The following KCNIP4 variants were observed in gnomAD, a reference collection of about 807,000 sequenced individuals.
KCNIP4 encodes the protein Kv channel-interacting protein 4.
A neutral mutation model predicts 34.0 loss-of-function variants in KCNIP4; 12 were observed. That is an observed-to-expected ratio of 0.35 (90% CI 0.23 to 0.57). The LOEUF is 0.57. KCNIP4 is among the 20% of genes least tolerant of loss of function. KCNIP4 has a pLI of 0.83. For synonymous variants in KCNIP4, 124 were observed against 102.2 expected, an observed-to-expected ratio of 1.21 and a Z score of -1.29; for missense variants, 238 against 311.7, an observed-to-expected ratio of 0.76 and a Z score of 1.78.
chr4:20,904,329 G>A lies in KCNIP4; in HGVS notation c.62-21620C>T, dbSNP rs952704008. On this transcript the variant is annotated intron_variant, in intron 1 of 8. Transcript: ENST00000382152. ...AAACTATATATATGTATGTGTGTGTGTGTATATATATATATATATACAGAT... is the reference window on the plus strand; with the variant it reads ...AAACTATATATATGTATGTGTGTGTATGTATATATATATATATATACAGAT... 1.2e-4 allele frequency among the ~76,000 whole-genome samples: 18 copies of A among 144,940 alleles called. No homozygotes were observed. The East Asian group carries it at 2.6e-3, about 21-fold the overall frequency.
intron 2 of KCNIP4, among the ~76,000 whole-genome samples, chr4:20,879,922 T>C (rs920079813): frequency 6.6e-6 from 1 of 152,174 alleles, no homozygotes. Flanking sequence ...CCATTTATCA[T>C]GGTGCTATTT....
intron 1 of KCNIP4, among the ~76,000 whole-genome samples, chr4:21,414,029 G>A (rs1408268508): frequency 6.6e-6 from 1 of 152,078 alleles, no homozygotes; most frequent in South Asian, 2.1e-4. Context: ...AGTCAGTAGT[G>A]TAAACACACA....
intron 5 of KCNIP4, among the ~76,000 whole-genome samples, chr4:20,735,937 A>T (rs1749526583): frequency 6.6e-6 from 1 of 152,188 alleles, no homozygotes; most frequent in African/African-American, 2.4e-5. Context: ...GAAATCCAAA[A>T]GTCTTCTGGG....
chr4:21,818,522 G>A (rs1251004964), intron 1 of KCNIP4, among the ~76,000 whole-genome samples: 3 of 152,246 alleles, frequency 2.0e-5, no homozygotes, highest in East Asian at 1.9e-4. Context: ...GTGGTGTATG[G>A]ATTTTAAACA....
At chr4:21,153,940 A>G (rs1361282961) in intron 1 of KCNIP4, among the ~76,000 whole-genome samples, 1 of 152,080 alleles carries the variant, frequency 6.6e-6, no homozygotes, top group Non-Finnish European at 1.5e-5. Context: ...CCGTAACTCA[A>G]GGATTTACAC....
chr4:20,766,137 G>A (rs1000474458), intron 3 of KCNIP4, among the ~76,000 whole-genome samples: 3 of 152,170 alleles, frequency 2.0e-5, no homozygotes, highest in South Asian at 2.1e-4. Flanking sequence ...GGATTATCTC[G>A]TGGGAATAGA....
At chr4:20,732,657 C>T (rs758812301) in intron 7 of KCNIP4, 24 bp downstream of exon 7, 2 of 1,501,180 alleles carry the variant, frequency 1.3e-6, no homozygotes, top group Non-Finnish European at 1.9e-6. Context: ...TTCATGCCCT[C>T]TTGACTTCTG....
chr4:21,235,815 T>C (rs780749222), intron 1 of KCNIP4, among the ~76,000 whole-genome samples: 2 of 152,150 alleles, frequency 1.3e-5, no homozygotes, highest in Non-Finnish European at 2.9e-5. Flanking sequence ...GGAAAGTGCT[T>C]ACATGTGAGG....
intron 1 of KCNIP4, among the ~76,000 whole-genome samples, chr4:21,784,710 T>C (rs1271997704): frequency 6.6e-6 from 1 of 152,138 alleles, no homozygotes. Flanking sequence ...AAAATCCAAC[T>C]AGGTCAAATA....
chr4:21,491,624 T>C (rs1239131089), intron 1 of KCNIP4, among the ~76,000 whole-genome samples: 2 of 152,206 alleles, frequency 1.3e-5, no homozygotes, highest in African/African-American at 4.8e-5. Context: ...CCTCCTGCCT[T>C]GGCCTCCTAA....
intron 1 of KCNIP4, among the ~76,000 whole-genome samples, chr4:21,802,489 A>G (rs1396486972): frequency 6.6e-6 from 1 of 152,168 alleles, no homozygotes; most frequent in Non-Finnish European, 1.5e-5. Flanking sequence ...TTTTATTTCC[A>G]TATTGCAGAT....
chr4:21,524,279 T>C (rs1735789170), intron 1 of KCNIP4, among the ~76,000 whole-genome samples: 1 of 152,170 alleles, frequency 6.6e-6, no homozygotes, highest in African/African-American at 2.4e-5. Context: ...CCCATTTGGC[T>C]CTCACACTAA....
At chr4:20,830,931 G>T (rs187648057) in intron 3 of KCNIP4, among the ~76,000 whole-genome samples, 4 of 152,306 alleles carry the variant, frequency 2.6e-5, no homozygotes, top group Middle Eastern at 3.4e-3. Context: ...GCAGACAACA[G>T]GATCTAATAG....
At chr4:20,749,843 T>C in intron 4 of KCNIP4, 111 bp from the exon 5 acceptor site, 2 of 621,316 alleles carry the variant, frequency 3.2e-6, no homozygotes, top group Non-Finnish European at 5.5e-6. Context: ...CTGCCTCCTT[T>C]AGTTTGTGCT....
intron 1 of KCNIP4, among the ~76,000 whole-genome samples, chr4:20,982,726 G>A (rs751011940): frequency 3.9e-5 from 6 of 152,172 alleles, no homozygotes; most frequent in Non-Finnish European, 7.3e-5. Context: ...GAAACAACCT[G>A]TATACCGGAT....
chr4:21,822,767 G>C (rs1198406335), intron 1 of KCNIP4, among the ~76,000 whole-genome samples: 1 of 148,660 alleles, frequency 6.7e-6, no homozygotes, highest in African/African-American at 2.5e-5. Context: ...ACCCAGGCTG[G>C]AGCGCGGTGG....
chr4:20,914,634 T>A (rs932013628), intron 1 of KCNIP4, among the ~76,000 whole-genome samples: 3 of 152,210 alleles, frequency 2.0e-5, no homozygotes, highest in African/African-American at 7.2e-5. Context: ...TACCCTACTG[T>A]CTATCACTAT....
At chr4:21,833,895 T>C (rs892478992) in intron 1 of KCNIP4, among the ~76,000 whole-genome samples, 1 of 152,174 alleles carries the variant, frequency 6.6e-6, no homozygotes, top group African/African-American at 2.4e-5. Flanking sequence ...AAAGATCAGA[T>C]AGTTGTAGAT....
chr4:20,835,296 A>T (rs10004954), intron 3 of KCNIP4, among the ~76,000 whole-genome samples: 1 of 151,684 alleles, frequency 6.6e-6, no homozygotes, highest in Non-Finnish European at 1.5e-5. Flanking sequence ...CCTGACCAGG[A>T]CTAAATCCTT....
Sources: gnomAD v4.1 joint callset for allele counts (sites outside exome capture counted in the v4.1 genomes callset) on GRCh38, gnomAD v4.1.1 for gene constraint, MANE v1.5 for transcripts, NCBI Gene and HGNC (gene_info 2026-07-23, HGNC 2026-07-21) for gene names.